HS3ST4: variants seen among roughly 807,000 people sequenced by gnomAD.
HS3ST4 encodes heparan sulfate glucosamine 3-O-sulfotransferase 4.
A neutral mutation model predicts 29.2 loss-of-function variants in HS3ST4; 17 were observed. The observed-to-expected ratio is 0.58, with a 90% CI of 0.40 to 0.87. The LOEUF (loss-of-function observed/expected upper bound fraction) is 0.87. Among genes scored for constraint, HS3ST4 ranks in the 40% least tolerant of loss-of-function variants. The pLI, the probability that HS3ST4 is intolerant of heterozygous loss-of-function variation, is 0.00. For missense variants in HS3ST4, 627 were observed against 634.5 expected, an observed-to-expected ratio of 0.99 and a Z score of 0.13; for synonymous variants, 314 against 285.7, an observed-to-expected ratio of 1.10 and a Z score of -1.00.
intron 1 of HS3ST4, among the ~76,000 whole-genome samples, chr16:25,803,119 A>G (rs950488093): frequency 6.6e-6 from 1 of 151,962 alleles, no homozygotes; most frequent in Non-Finnish European, 1.5e-5. Flanking sequence ...GTAGAGAGAG[A>G]GAGTGCCTGT....
intron 1 of HS3ST4, among the ~76,000 whole-genome samples, chr16:25,981,711 C>T (rs1436977322): frequency 6.6e-6 from 1 of 150,418 alleles, no homozygotes; most frequent in Non-Finnish European, 1.5e-5. Context: ...ACTATATAAG[C>T]CCAAGTGGAC....
At chr16:26,051,389 G>C (rs1240517583) in intron 1 of HS3ST4, among the ~76,000 whole-genome samples, 3 of 152,110 alleles carry the variant, frequency 2.0e-5, no homozygotes, top group Non-Finnish European at 4.4e-5. Flanking sequence ...ACAAAGACGA[G>C]CATGATTCCA....
chr16:25,799,006 A>G (rs1966906805), intron 1 of HS3ST4, among the ~76,000 whole-genome samples: 1 of 152,222 alleles, frequency 6.6e-6, no homozygotes, highest in Non-Finnish European at 1.5e-5. Flanking sequence ...ATCCAAGTCC[A>G]GTTTTCTTGT....
At chr16:25,830,852 T>C (rs1029365134) in intron 1 of HS3ST4, among the ~76,000 whole-genome samples, 6 of 152,080 alleles carry the variant, frequency 3.9e-5, no homozygotes, top group African/African-American at 1.2e-4. Flanking sequence ...GACTCCCCTT[T>C]CTCATTTTTA....
intron 1 of HS3ST4, among the ~76,000 whole-genome samples, chr16:26,089,318 T>A (rs927637387): frequency 1.3e-5 from 2 of 152,184 alleles, no homozygotes; most frequent in African/African-American, 4.8e-5. Context: ...CAGTTCTCAG[T>A]CTGTGGCAGC....
At chr16:25,739,210 C>T (rs925998920) in intron 1 of HS3ST4, among the ~76,000 whole-genome samples, 3 of 152,032 alleles carry the variant, frequency 2.0e-5, no homozygotes, top group Non-Finnish European at 4.4e-5. Flanking sequence ...GGCGTGGTGG[C>T]GGGCACCTGT....
chr16:25,851,906 A>T (rs1168504409), intron 1 of HS3ST4, among the ~76,000 whole-genome samples: 1 of 152,166 alleles, frequency 6.6e-6, no homozygotes, highest in Non-Finnish European at 1.5e-5. Context: ...CCATGCTATG[A>T]TAACAATGGC....
intron 1 of HS3ST4, among the ~76,000 whole-genome samples, chr16:25,873,986 A>G (rs1159462952): frequency 6.6e-6 from 1 of 151,480 alleles, no homozygotes; most frequent in East Asian, 1.9e-4. Flanking sequence ...TGGGAACATC[A>G]AGGAGGAAAA....
At chr16:25,820,010 CAAAAAAAAAAAAAAAAAAAAAAA>C (rs142336784) in intron 1 of HS3ST4, among the ~76,000 whole-genome samples, 1 of 46,934 alleles carries the variant, frequency 2.1e-5, no homozygotes, top group Non-Finnish European at 3.3e-5. Context: ...TACTCTGTCT[CAAAAAAAAAAAAAAAAAAAAAAA>C]AAAAAAAAAA....
intron 1 of HS3ST4, among the ~76,000 whole-genome samples, chr16:25,698,969 A>G (rs1039022866): frequency 6.6e-6 from 1 of 152,218 alleles, no homozygotes; most frequent in Non-Finnish European, 1.5e-5. Context: ...CAAGTGTGGC[A>G]TTGGGGTTAT....
At chr16:25,777,130 G>A (rs933856094) in intron 1 of HS3ST4, among the ~76,000 whole-genome samples, 1 of 152,118 alleles carries the variant, frequency 6.6e-6, no homozygotes, top group African/African-American at 2.4e-5. Flanking sequence ...TGAAATGTGG[G>A]TAGGGGTTCT....
chr16:25,734,558 C>CTGGG (rs1966593835), intron 1 of HS3ST4, among the ~76,000 whole-genome samples: 1 of 152,118 alleles, frequency 6.6e-6, no homozygotes, highest in South Asian at 2.1e-4. Flanking sequence ...CTGTGAGGTG[C>CTGGG]TGGGGTATGA....
chr16:26,002,667 G>C (rs1230553169), intron 1 of HS3ST4, among the ~76,000 whole-genome samples: 1 of 130,294 alleles, frequency 7.7e-6, no homozygotes, highest in African/African-American at 2.9e-5. Context: ...GAGAGAGAGG[G>C]AAAGAGAAAG....
intron 1 of HS3ST4, among the ~76,000 whole-genome samples, chr16:26,054,854 C>G (rs1250743169): frequency 6.6e-6 from 1 of 151,978 alleles, no homozygotes; most frequent in Non-Finnish European, 1.5e-5. Context: ...ATGGATGTTT[C>G]TGACTGCTCT....
chr16:25,800,800 G>A (rs1459923545), intron 1 of HS3ST4, among the ~76,000 whole-genome samples: 1 of 152,114 alleles, frequency 6.6e-6, no homozygotes, highest in Admixed American at 6.6e-5. Context: ...GACCTTATAG[G>A]AGGGGTGCAA....
chr16:25,793,930 G>A (rs1169781866), intron 1 of HS3ST4, among the ~76,000 whole-genome samples: 2 of 151,194 alleles, frequency 1.3e-5, no homozygotes, highest in Non-Finnish European at 3.0e-5. Flanking sequence ...ATGTCTTCCT[G>A]TATCACATTT....
At chr16:26,101,614 T>C (rs892090324) in intron 1 of HS3ST4, among the ~76,000 whole-genome samples, 4 of 152,226 alleles carry the variant, frequency 2.6e-5, no homozygotes, top group Non-Finnish European at 4.4e-5. Flanking sequence ...TTCTTTTCCA[T>C]AGGATTCCTG....
chr16:26,019,014 T>C (rs1299729325), intron 1 of HS3ST4, among the ~76,000 whole-genome samples: 1 of 152,196 alleles, frequency 6.6e-6, no homozygotes, highest in Non-Finnish European at 1.5e-5. Flanking sequence ...CCCTGCTCTA[T>C]ACTCTGTTAC....
intron 1 of HS3ST4, among the ~76,000 whole-genome samples, chr16:25,988,927 G>A (rs141955882): frequency 9.2e-5 from 14 of 151,796 alleles, no homozygotes; most frequent in Non-Finnish European, 1.9e-4. Flanking sequence ...TTTAAAAAGC[G>A]TTAGAAGAAA....
Sources: gnomAD v4.1 joint callset for allele counts (sites outside exome capture counted in the v4.1 genomes callset) on GRCh38, gnomAD v4.1.1 for gene constraint, MANE v1.5 for transcripts, NCBI Gene and HGNC (gene_info 2026-07-23, HGNC 2026-07-21) for gene names.